Variants in ABCA13 observed in about 807,000 individuals in gnomAD.
The protein encoded by ABCA13 is ATP binding cassette subfamily A member 13.
Under a neutral mutation model 478.7 loss-of-function variants are expected in ABCA13, and 476 were observed. The observed-to-expected ratio is 0.99, with a 90% CI of 0.92 to 1.07. The LOEUF is 1.07. Among genes scored for constraint, ABCA13 ranks in the 50% least tolerant of loss-of-function variants. The pLI, the probability that ABCA13 is intolerant of heterozygous loss-of-function variation, is 0.00. For synonymous variants in ABCA13, 2,252 were observed against 2,158.9 expected, an observed-to-expected ratio of 1.04 and a Z score of -1.20; for missense variants, 6,060 against 5,910.6, an observed-to-expected ratio of 1.03 and a Z score of -0.83.
At chr7:48,474,981 G>A (rs546741265) in intron 45 of ABCA13, among the ~76,000 whole-genome samples, 6 of 152,162 alleles carry the variant, frequency 3.9e-5, no homozygotes, top group South Asian at 2.1e-4. Flanking sequence ...AGTCAAATAC[G>A]TTTTGCAAAT....
Position 48,644,685 on chromosome 7 carries a change from A to C in ABCA13, c.15012A>C (p.Lys5004Asn). The change falls in exon 61 of 62, where the codon AAA becomes AAC. Residue 5004 changes from lysine (K) to asparagine (N), a missense_variant. By Grantham distance (94) the Lys-to-Asn change is moderately conservative (BLOSUM62 0). Coordinates refer to ENST00000435803, the MANE Select transcript of ABCA13 (RefSeq NM_152701.5). ...GGGGATGCCTAGCTGACTTGTTCAA[A>C]GTTATAGAGAACAATAAAACCTTCT... ...KRWGCLADLF[K>N]VIENNKTFLN... The C allele has an allele frequency of 6.2e-7, 1 of 1,612,048 alleles. No individual in the cohort carries two copies. Among genetic ancestry groups the C allele is most frequent in the Non-Finnish European group, 8.5e-7 (1 of 1,179,432 alleles).
chr7:48,455,266 G>A lies in ABCA13; in HGVS notation c.12795G>A (p.Arg4265=). The part of the protein sequence containing the change: ...PLRLTPGHYQ[R]AETYFFSSGG... ...GACTCACACCTGGACATTACCAGCG[G>A]GCCGAGACCTACTTTTTCAGGTAAG... The change falls in exon 43 of 62, where the codon CGG becomes CGA. Residue 4265 remains arginine, a synonymous_variant. Coordinates refer to ENST00000435803, the MANE Select transcript of ABCA13 (RefSeq NM_152701.5). 1.2e-6 allele frequency: 2 copies of A among 1,604,998 alleles called. No individual in the cohort carries two copies. Among genetic ancestry groups the A allele is most frequent in the Non-Finnish European group, 1.7e-6 (2 of 1,175,796 alleles).
intron 59 of ABCA13, among the ~76,000 whole-genome samples, chr7:48,636,277 C>T (rs186371158): frequency 6.6e-6 from 1 of 152,304 alleles, no homozygotes; most frequent in East Asian, 1.9e-4. Context: ...AGTCAGCCGC[C>T]TCCCATATAG....
chr7:48,645,702 T>C lies in ABCA13; in HGVS notation c.*190T>C. 2 of 556,122 alleles carry C rather than the reference T, an allele frequency of 3.6e-6. No homozygotes were observed. Among genetic ancestry groups the C allele is most frequent in the Non-Finnish European group, 6.2e-6 (2 of 320,422 alleles). The allele number at this position is 556,122 out of a possible 1,614,324, so 34.4% of individuals were successfully genotyped here. On this transcript the variant is annotated 3_prime_UTR_variant, in exon 62 of 62. Coordinates refer to ENST00000435803, the MANE Select transcript of ABCA13 (RefSeq NM_152701.5). ...ACCACCAAATGGAAAGGTCATTCTT[T>C]CTGCAGACTTTTGGGGAGCTCCTCC...
At chr7:48,295,676 C>T (rs1799253947) in intron 20 of ABCA13, 24 bp from the exon 21 acceptor site, 1 of 1,613,280 alleles carries the variant, frequency 6.2e-7, no homozygotes, top group African/African-American at 1.3e-5. Flanking sequence ...TGCTTCTAAC[C>T]TATATCATTG....
intron 1 of ABCA13, among the ~76,000 whole-genome samples, chr7:48,178,323 G>C (rs1795160007): frequency 6.6e-6 from 1 of 152,194 alleles, no homozygotes; most frequent in Non-Finnish European, 1.5e-5. Flanking sequence ...GTTTCTTTAA[G>C]AGTCTGGCTG....
chr7:48,263,638 T>A (rs1267422754), intron 15 of ABCA13, among the ~76,000 whole-genome samples: 1 of 151,114 alleles, frequency 6.6e-6, no homozygotes, highest in Non-Finnish European at 1.5e-5. Flanking sequence ...ACCCTTTTCT[T>A]CCTCACCGAA....
intron 55 of ABCA13, among the ~76,000 whole-genome samples, chr7:48,561,278 T>C (rs2131264367): frequency 6.6e-6 from 1 of 152,244 alleles, no homozygotes; most frequent in Non-Finnish European, 1.5e-5. Context: ...AATTGCTGGG[T>C]CAAATAATAT....
intron 55 of ABCA13, among the ~76,000 whole-genome samples, chr7:48,566,355 C>T (rs546694209): frequency 1.1e-4 from 17 of 152,232 alleles, no homozygotes; most frequent in Middle Eastern, 6.8e-3. Context: ...CCAAGTGGTG[C>T]TGAAGCGTAA....
intron 41 of ABCA13, among the ~76,000 whole-genome samples, chr7:48,425,358 C>G (rs1041736731): frequency 1.3e-5 from 2 of 152,106 alleles, no homozygotes; most frequent in Non-Finnish European, 2.9e-5. Context: ...TTCATATAAT[C>G]ATAGTTAAAT....
At chr7:48,491,366 G>A (rs1829824576) in intron 48 of ABCA13, among the ~76,000 whole-genome samples, 1 of 152,144 alleles carries the variant, frequency 6.6e-6, no homozygotes. Flanking sequence ...GAGGGAAGAG[G>A]ACAAAGGTTC....
chr7:48,411,037 TTCTTTCTTTCTTTTTC>T (rs1383316735), intron 40 of ABCA13, among the ~76,000 whole-genome samples: 90 of 116,544 alleles, frequency 7.7e-4, no homozygotes, highest in Non-Finnish European at 1.4e-3. Flanking sequence ...CTTTCTTTCT[TTCTTTCTTTCTTTTTC>T]TTTCTTTCTT....
At chr7:48,304,862 G>C (rs539725036) in intron 23 of ABCA13, among the ~76,000 whole-genome samples, 1 of 152,336 alleles carries the variant, frequency 6.6e-6, no homozygotes, top group African/African-American at 2.4e-5. Context: ...CAGCTGCCAA[G>C]ATGCTTATCC....
In ABCA13 at chr7:48,234,014, A is replaced by G. The variant is rs1789565744; in HGVS notation, c.764-4A>G. 6.2e-7 allele frequency: 1 copy of G among 1,613,810 alleles called. No homozygotes were observed. The highest frequency in any genetic ancestry group is 1.3e-5 in the African/African-American group (1 of 75,062). On this transcript the variant is annotated splice_region_variant and splice_polypyrimidine_tract_variant and intron_variant, in intron 7 of 61. Transcript: ENST00000435803. ...CTGGTGTAAATCTTTTGTTATTCCA[A>G]CAGAGCCAGTTTACCACCTGTCCAT...
intron 56 of ABCA13, among the ~76,000 whole-genome samples, chr7:48,582,016 A>C (rs1214002617): frequency 6.6e-6 from 1 of 152,220 alleles, no homozygotes; most frequent in Non-Finnish European, 1.5e-5. Context: ...TTTATTCCAC[A>C]TCAGGTACTG....
rs186696266 is a variant in ABCA13, at chr7:48,266,527, T to A, written c.2006-2453T>A. Among the ~76,000 whole-genome samples, 561 of 151,934 alleles carry A rather than the reference T, an allele frequency of 3.7e-3. 1 individual carries two copies. The highest frequency in any genetic ancestry group is 0.012 in the African/African-American group (489 of 41,554). ...TGTATTCTATTATTAACTTCTTAAT[T>A]TGTATAGAATCAGTGGTAATAGCAC... On this transcript the variant is annotated intron_variant, in intron 15 of 61. Transcript: ENST00000435803.
chr7:48,483,330 CT>C (rs1828969430), intron 47 of ABCA13, among the ~76,000 whole-genome samples, 167 bp downstream of exon 47: 1 of 152,028 alleles, frequency 6.6e-6, no homozygotes, highest in African/African-American at 2.4e-5. Context: ...AAAAAAATGG[CT>C]TGTTTTTCTT....
intron 20 of ABCA13, among the ~76,000 whole-genome samples, chr7:48,288,496 T>C (rs141997536): frequency 2.0e-5 from 3 of 152,354 alleles, no homozygotes; most frequent in Admixed American, 6.5e-5. Context: ...GCTTTTGTTG[T>C]ATCCACATGA....
chr7:48,510,301 C>A (rs1030542704), intron 50 of ABCA13, among the ~76,000 whole-genome samples: 1 of 152,088 alleles, frequency 6.6e-6, no homozygotes, highest in Non-Finnish European at 1.5e-5. Flanking sequence ...AAGAAGGGGC[C>A]CTGCCCATGG....
Sources: gnomAD v4.1 joint callset for allele counts (sites outside exome capture counted in the v4.1 genomes callset) on GRCh38, gnomAD v4.1.1 for gene constraint, MANE v1.5 for transcripts, NCBI Gene and HGNC (gene_info 2026-07-23, HGNC 2026-07-21) for gene names.